Variants in RABGEF1 observed in about 807,000 individuals in gnomAD.
RABGEF1 encodes rab5 GDP/GTP exchange factor.
In RABGEF1, 26 loss-of-function variants were observed where a neutral mutation model predicts 57.3. That is an observed-to-expected ratio of 0.45 (90% CI 0.33 to 0.63). RABGEF1 has a LOEUF of 0.63. Among genes scored for constraint, RABGEF1 ranks in the 20% least tolerant of loss-of-function variants. RABGEF1 has a pLI of 0.02. For missense variants in RABGEF1, 464 were observed against 607.6 expected (o/e 0.76, Z 2.48); for synonymous variants, 185 against 210.7 (o/e 0.88, Z 1.06).
At chr7:66,675,287 A>C in the RABGEF1 span, among the ~76,000 whole-genome samples, 3 of 152,244 alleles carry the variant, frequency 2.0e-5, no homozygotes, top group South Asian at 6.2e-4. Flanking sequence ...AAAATTAGCC[A>C]GGCGTGGTGG....
At chr7:66,764,032 T>C (rs1424808706) in intron 1 of RABGEF1, among the ~76,000 whole-genome samples, 1 of 152,262 alleles carries the variant, frequency 6.6e-6, no homozygotes, top group Non-Finnish European at 1.5e-5. Context: ...TATTGTTTAA[T>C]CATTTGAGAA....
chr7:66,787,251 C>T (rs867594255), intron 4 of RABGEF1, among the ~76,000 whole-genome samples: 1 of 148,044 alleles, frequency 6.8e-6, no homozygotes, highest in South Asian at 2.1e-4. Flanking sequence ...CCAAGCTAGT[C>T]TTGAACTCCT....
chr7:66,688,222 G>T (rs1790998917), intron 1 of RABGEF1, among the ~76,000 whole-genome samples: 1 of 151,768 alleles, frequency 6.6e-6, no homozygotes, highest in South Asian at 2.1e-4. Context: ...CCAACAAGAA[G>T]ATATAACAAT....
intron 2 of RABGEF1, among the ~76,000 whole-genome samples, chr7:66,719,445 C>T (rs1279878511): frequency 6.6e-6 from 1 of 152,160 alleles, no homozygotes; most frequent in Non-Finnish European, 1.5e-5. Context: ...CCTCAAGCAC[C>T]TCGGCCCCCC....
chr7:66,686,280 CAAAA>C (rs1435924070), intron 1 of RABGEF1, among the ~76,000 whole-genome samples: 2 of 94,236 alleles, frequency 2.1e-5, no homozygotes, highest in Admixed American at 1.1e-4. Context: ...GACTCTGTCT[CAAAA>C]AAAAAAAAAA....
Position 66,706,022 on chromosome 7 carries a change from C to G in RABGEF1, c.-872-6145C>G, listed in dbSNP as rs537436707. Among the ~76,000 whole-genome samples, 50 of 150,614 alleles carry G rather than the reference C, an allele frequency of 3.3e-4. 1 individual carries two copies. The highest frequency in any genetic ancestry group is 2.2e-3 in the Admixed American group (33 of 15,016). On this transcript the variant is annotated intron_variant and NMD_transcript_variant, in intron 1 of 9. Transcript: ENST00000607882. Reference sequence around the variant, plus strand: ...GGTTCACGCCATTCTCCTGCCTCAGCCTCCCGAGTAGCTGGGACTACAGGC... The same window carrying G: ...GGTTCACGCCATTCTCCTGCCTCAGGCTCCCGAGTAGCTGGGACTACAGGC...
At chr7:66,655,365 CG>C in the RABGEF1 span, among the ~76,000 whole-genome samples, 6,004 of 152,132 alleles carry the variant, frequency 0.039, 168 homozygotes, top group East Asian at 0.089. Context: ...TGTCTCAGCG[CG>C]GGTGACCAGT....
At position 66,805,185 on chromosome 7, in the gene RABGEF1, C is replaced by A. The variant is rs1292128573; in HGVS notation, c.866C>A (p.Ala289Asp). Reference sequence around the variant, plus strand: ...AAGCGTGTGCCTCGAGACAAGCTGGCCTGCATCACCAAGTGCAGCAAGCAC... The same window carrying A: ...AAGCGTGTGCCTCGAGACAAGCTGGACTGCATCACCAAGTGCAGCAAGCAC... ...DSKRVPRDKL[A>D]CITKCSKHIF... Residue 289 changes from alanine (A) to aspartate (D), a missense_variant, in exon 8 of 9, where the codon GCC (alanine) becomes GAC (aspartate). Physicochemically the swap from Ala to Asp is moderately radical, Grantham distance 126 (BLOSUM62 -2). This residue lies in a region of RABGEF1 where 284 missense variants were observed against 389.9 expected (regional missense o/e 0.73). Transcript: ENST00000284957. 1 of 1,612,642 alleles carries A rather than the reference C, an allele frequency of 6.2e-7. No homozygotes were observed. The highest frequency in any genetic ancestry group is 1.7e-5 in the Admixed American group (1 of 60,020).
intron 4 of RABGEF1, among the ~76,000 whole-genome samples, chr7:66,787,695 A>G (rs1811552251): frequency 6.6e-6 from 1 of 152,154 alleles, no homozygotes; most frequent in Non-Finnish European, 1.5e-5. Flanking sequence ...CAGGTCTGAG[A>G]GTGATTATGG....
intron 3 of RABGEF1, among the ~76,000 whole-genome samples, chr7:66,782,304 A>G (rs1319800182): frequency 6.6e-6 from 1 of 152,134 alleles, no homozygotes; most frequent in African/African-American, 2.4e-5. Context: ...TTGCCCATCT[A>G]GTTCCTAAGC....
chr7:66,727,503 C>T (rs993329967), intron 2 of RABGEF1, among the ~76,000 whole-genome samples: 6 of 152,254 alleles, frequency 3.9e-5, no homozygotes. Flanking sequence ...TTGGTCTGGA[C>T]CCCCAGGGAT....
upstream of RABGEF1, among the ~76,000 whole-genome samples, chr7:66,678,161 G>T (rs1387274832): frequency 2.0e-5 from 3 of 152,126 alleles, no homozygotes; most frequent in Non-Finnish European, 4.4e-5. Flanking sequence ...TATGGCCCTT[G>T]CATTCTCCAT....
intron 2 of RABGEF1, among the ~76,000 whole-genome samples, chr7:66,726,637 G>A (rs1231416900): frequency 2.0e-5 from 3 of 151,990 alleles, no homozygotes; most frequent in African/African-American, 7.2e-5. Context: ...AAAGTGCTGG[G>A]ATTACAGGCA....
intron 3 of RABGEF1, among the ~76,000 whole-genome samples, chr7:66,776,612 T>G (rs1808616148): frequency 6.6e-6 from 1 of 152,054 alleles, no homozygotes; most frequent in African/African-American, 2.4e-5. Context: ...GGAGAATCAT[T>G]TGAATCTAGG....
intron 1 of RABGEF1, among the ~76,000 whole-genome samples, chr7:66,694,955 C>T (rs534470027): frequency 1.9e-4 from 29 of 152,184 alleles, no homozygotes; most frequent in African/African-American, 6.3e-4. Context: ...CTGTTGAGGA[C>T]GAGGCTGGTG....
chr7:66,668,493 G>T, the RABGEF1 span, among the ~76,000 whole-genome samples: 1 of 152,190 alleles, frequency 6.6e-6, no homozygotes, highest in African/African-American at 2.4e-5. Flanking sequence ...AGGTGCAGGG[G>T]TGTCCCCAGA....
chr7:66,739,948 G>A (rs1798558259), upstream of RABGEF1: 1 of 152,172 alleles, frequency 6.6e-6, no homozygotes, highest in Non-Finnish European at 1.5e-5. Context: ...TGTGACACTG[G>A]CTAATTTATT....
At chr7:66,783,943 C>T (rs535449747) in intron 4 of RABGEF1, 102 bp downstream of exon 4, 1 of 1,149,718 alleles carries the variant, frequency 8.7e-7, no homozygotes. Context: ...GAGAAAAATC[C>T]AGACCAAGAG....
intron 1 of RABGEF1, among the ~76,000 whole-genome samples, chr7:66,689,772 A>G (rs913462220): frequency 1.3e-5 from 2 of 151,900 alleles, no homozygotes; most frequent in Non-Finnish European, 2.9e-5. Context: ...ATTGCACTCC[A>G]GCCTGGGGGA....
Sources: allele counts gnomAD v4.1 joint callset (sites outside exome capture counted in the v4.1 genomes callset), GRCh38; gene constraint gnomAD v4.1.1; regional missense constraint gnomAD v4.1.1; transcripts MANE v1.5; gene names NCBI Gene and HGNC (gene_info 2026-07-23, HGNC 2026-07-21).